The following TMEM217B variants were observed in gnomAD, a reference collection of about 807,000 sequenced individuals.
The protein encoded by TMEM217B is transmembrane protein 217B.
At chr6:37,212,789 T>A in the TMEM217B span, 2 of 726,606 alleles carry the variant, frequency 2.8e-6, no homozygotes, top group Non-Finnish European at 5.0e-6. Context: ...GAGAGGCCAG[T>A]GCTGATATTA....
the TMEM217B span, among the ~76,000 whole-genome samples, chr6:37,247,389 CTT>C: frequency 5.7e-3 from 722 of 127,736 alleles, no homozygotes; most frequent in African/African-American, 8.7e-3. Context: ...AACTTTTTTA[CTT>C]TTTTTTTTTT....
the TMEM217B span, chr6:37,213,097 G>C: frequency 1.2e-6 from 1 of 805,186 alleles, no homozygotes; most frequent in East Asian, 2.7e-5. Context: ...TAAGAGCAAT[G>C]ATGGTGTGTG....
the TMEM217B span, among the ~76,000 whole-genome samples, chr6:37,235,583 G>T: frequency 6.9e-6 from 1 of 145,428 alleles, no homozygotes; most frequent in Non-Finnish European, 1.5e-5. Context: ...AGCCAGGATG[G>T]TCTCGATCTC....
chr6:37,234,138 C>T, the TMEM217B span, among the ~76,000 whole-genome samples: 3 of 145,364 alleles, frequency 2.1e-5, no homozygotes, highest in Non-Finnish European at 3.0e-5. Context: ...CTTGCTCTGT[C>T]ACCCAGGATG....
chr6:37,223,175 G>A, the TMEM217B span, among the ~76,000 whole-genome samples: 3 of 152,024 alleles, frequency 2.0e-5, no homozygotes, highest in African/African-American at 7.3e-5. Context: ...AAAGAGAGAT[G>A]AGACAAAATG....
At chr6:37,254,754 C>T in the TMEM217B span, among the ~76,000 whole-genome samples, 2 of 152,150 alleles carry the variant, frequency 1.3e-5, no homozygotes, top group Non-Finnish European at 2.9e-5. Context: ...CAGCAGGGAA[C>T]AAAACAAAGT....
chr6:37,240,238 C>G, the TMEM217B span, among the ~76,000 whole-genome samples: 1 of 152,096 alleles, frequency 6.6e-6, no homozygotes, highest in Non-Finnish European at 1.5e-5. Flanking sequence ...CCAAGAGTAG[C>G]GTAGGTGGGT....
At chr6:37,236,505 A>G in the TMEM217B span, among the ~76,000 whole-genome samples, 1 of 152,050 alleles carries the variant, frequency 6.6e-6, no homozygotes, top group Non-Finnish European at 1.5e-5. Context: ...CTGAAAATGC[A>G]AGGGAATAAT....
chr6:37,226,281 CTTTTTTTTTTTT>C, the TMEM217B span, among the ~76,000 whole-genome samples: 800 of 74,884 alleles, frequency 0.011, 6 homozygotes, highest in Non-Finnish European at 0.018. Flanking sequence ...TTGAGACAGT[CTTTTTTTTTTTT>C]TTTTTTTTTT....
chr6:37,212,661 T>C, the TMEM217B span: 1 of 573,624 alleles, frequency 1.7e-6, no homozygotes, highest in African/African-American at 1.8e-5. Context: ...GGAGCAGGAC[T>C]ATGGAGAAGT....
the TMEM217B span, among the ~76,000 whole-genome samples, chr6:37,239,243 G>A: frequency 6.6e-6 from 1 of 152,146 alleles, no homozygotes; most frequent in Non-Finnish European, 1.5e-5. Context: ...AATTCCAGCA[G>A]TTTGGGAGGC....
the TMEM217B span, chr6:37,218,221 G>A: frequency 4.6e-6 from 6 of 1,311,932 alleles, no homozygotes; most frequent in East Asian, 1.9e-4. Flanking sequence ...TCAGGCTGAA[G>A]TGCACTGGCG....
chr6:37,212,186 T>G, the TMEM217B span: 2 of 292,914 alleles, frequency 6.8e-6, no homozygotes, highest in East Asian at 9.9e-5. Context: ...AGTGAGATGG[T>G]TAAGTAAGCA....
the TMEM217B span, chr6:37,218,350 T>A: frequency 7.1e-6 from 9 of 1,274,682 alleles, no homozygotes; most frequent in South Asian, 8.8e-5. Context: ...CTATTTTTTT[T>A]AGTAGAGACG....
At chr6:37,248,367 T>G in the TMEM217B span, among the ~76,000 whole-genome samples, 4 of 152,234 alleles carry the variant, frequency 2.6e-5, no homozygotes, top group African/African-American at 7.2e-5. Flanking sequence ...AATGATCTGG[T>G]GCAGTGCTGC....
At chr6:37,212,298 G>A in the TMEM217B span, 12 of 353,410 alleles carry the variant, frequency 3.4e-5, no homozygotes, top group Non-Finnish European at 5.6e-5. Flanking sequence ...TCCTCAGTGC[G>A]TAAAACTCAA....
chr6:37,225,712 T>C, the TMEM217B span, among the ~76,000 whole-genome samples: 2 of 152,256 alleles, frequency 1.3e-5, 1 homozygote, highest in South Asian at 4.1e-4. Context: ...ATTTCTCCCT[T>C]TTCACTTTTA....
chr6:37,254,250 T>C, the TMEM217B span, among the ~76,000 whole-genome samples: 4 of 152,120 alleles, frequency 2.6e-5, no homozygotes, highest in African/African-American at 7.2e-5. Flanking sequence ...CAATATAGTA[T>C]AGGAAGCACT....
chr6:37,213,921 G>A, the TMEM217B span, among the ~76,000 whole-genome samples: 1 of 152,178 alleles, frequency 6.6e-6, no homozygotes, highest in Non-Finnish European at 1.5e-5. Context: ...TCACACATTA[G>A]GAGAACACAG....
Sources: gnomAD v4.1 joint callset for allele counts (sites outside exome capture counted in the v4.1 genomes callset) on GRCh38, gnomAD v4.1.1 for gene constraint, MANE v1.5 for transcripts, NCBI Gene and HGNC (gene_info 2026-07-23, HGNC 2026-07-21) for gene names.